Variants in PHACTR1 observed in about 807,000 individuals in gnomAD.
PHACTR1 encodes the protein RPEL repeat containing 1.
In PHACTR1, 16 loss-of-function variants were observed where a neutral mutation model predicts 69.2. The ratio of observed to expected loss-of-function variants is 0.23; its 90% CI spans 0.16 to 0.35. The LOEUF (loss-of-function observed/expected upper bound fraction) is 0.35, where lower values mean the gene tolerates loss of function less well. Ranked by LOEUF, PHACTR1 falls within the 10% of genes least tolerant of loss-of-function variation. PHACTR1 has a pLI of 1.00. For missense variants in PHACTR1, 510 were observed against 734.7 expected (o/e 0.69, Z 3.54); for synonymous variants, 312 against 284.5 (o/e 1.10, Z -0.97).
At chr6:12,956,807 G>A (rs1224078503) in intron 4 of PHACTR1, among the ~76,000 whole-genome samples, 1 of 151,982 alleles carries the variant, frequency 6.6e-6, no homozygotes, top group Non-Finnish European at 1.5e-5. Context: ...AACTGACGAC[G>A]CACTTGATCA....
chr6:13,210,820 G>T (rs1041818521), intron 8 of PHACTR1, among the ~76,000 whole-genome samples: 5 of 149,752 alleles, frequency 3.3e-5, no homozygotes, highest in African/African-American at 1.2e-4. Flanking sequence ...GGGTAAGTCT[G>T]TTTGTTTGGG....
At chr6:12,887,423 T>C (rs1190661021) in intron 4 of PHACTR1, among the ~76,000 whole-genome samples, 1 of 152,198 alleles carries the variant, frequency 6.6e-6, no homozygotes, top group Non-Finnish European at 1.5e-5. Context: ...TCCCCAAATC[T>C]TACTTGCGAA....
intron 4 of PHACTR1, among the ~76,000 whole-genome samples, chr6:12,845,429 A>ACCCCCC (rs1214194071): frequency 5.5e-5 from 1 of 18,028 alleles, no homozygotes; most frequent in Non-Finnish European, 9.9e-5. Context: ...AACACCACCC[A>ACCCCCC]CCCCCCCCCC....
intron 3 of PHACTR1, among the ~76,000 whole-genome samples, chr6:12,720,982 G>A (rs925673826): frequency 6.6e-6 from 1 of 152,216 alleles, no homozygotes. Flanking sequence ...GAGCATTAAT[G>A]AGGTAAGATT....
intron 3 of PHACTR1, among the ~76,000 whole-genome samples, chr6:12,737,846 A>C (rs1221210062): frequency 6.6e-6 from 1 of 152,108 alleles, no homozygotes; most frequent in Non-Finnish European, 1.5e-5. Context: ...TCCTCCCTCA[A>C]AATGCTGAGA....
At chr6:12,788,905 A>G (rs1237663613) in intron 4 of PHACTR1, among the ~76,000 whole-genome samples, 1 of 152,250 alleles carries the variant, frequency 6.6e-6, no homozygotes, top group Non-Finnish European at 1.5e-5. Flanking sequence ...GATGAGAGGA[A>G]TAATGTGAGT....
chr6:13,259,305 T>G (rs1775603811), intron 10 of PHACTR1, among the ~76,000 whole-genome samples: 2 of 152,220 alleles, frequency 1.3e-5, no homozygotes, highest in Admixed American at 6.5e-5. Flanking sequence ...ACCGTCTCAC[T>G]GTTTTGTTTT....
chr6:12,986,943 T>C (rs973923234), intron 4 of PHACTR1, among the ~76,000 whole-genome samples: 7 of 152,204 alleles, frequency 4.6e-5, no homozygotes, highest in Admixed American at 2.6e-4. Context: ...TAATAGGGGC[T>C]ACCTCAGAGT....
At chr6:13,211,687 G>C (rs371354623) in intron 8 of PHACTR1, among the ~76,000 whole-genome samples, 1 of 152,212 alleles carries the variant, frequency 6.6e-6, no homozygotes, top group African/African-American at 2.4e-5. Flanking sequence ...CGCAAATCCT[G>C]TCTGGTCCAC....
intron 4 of PHACTR1, among the ~76,000 whole-genome samples, chr6:12,959,895 G>T: frequency 6.6e-6 from 1 of 152,210 alleles, no homozygotes; most frequent in South Asian, 2.1e-4. Context: ...GGACTTTTAT[G>T]TTGCTTTCAG....
At position 13,186,367 on chromosome 6, in the gene PHACTR1, C is replaced by T. The variant is rs569509671; in HGVS notation, c.664+3681C>T. 9.2e-5 allele frequency among the ~76,000 whole-genome samples: 14 copies of T among 152,294 alleles called. No homozygotes were observed. The East Asian group carries it at 2.1e-3, about 23-fold the overall frequency. The stretch of plus-strand genomic sequence containing the variant: ...TTTCGTGTTAGTAACAATTCCACAA[C>T]GTGATTTTATTAGCTGCTTGGATGG... On this transcript the variant is annotated intron_variant, in intron 7 of 14. Transcript: ENST00000332995.
At chr6:12,959,784 G>A (rs2127565150) in intron 4 of PHACTR1, among the ~76,000 whole-genome samples, 1 of 152,342 alleles carries the variant, frequency 6.6e-6, no homozygotes, top group East Asian at 1.9e-4. Context: ...TTGGTTTTGA[G>A]TGCATTGCCT....
intron 4 of PHACTR1, among the ~76,000 whole-genome samples, chr6:13,026,262 C>T (rs1801678986): frequency 6.6e-6 from 1 of 152,144 alleles, no homozygotes; most frequent in African/African-American, 2.4e-5. Flanking sequence ...AATTAGCAGC[C>T]TCTGGAGAGG....
intron 4 of PHACTR1, among the ~76,000 whole-genome samples, chr6:12,956,208 C>A (rs1562051901): frequency 6.6e-6 from 1 of 152,224 alleles, no homozygotes; most frequent in Non-Finnish European, 1.5e-5. Context: ...CAAGCCTCCG[C>A]TGGCTGGGAG....
intron 4 of PHACTR1, among the ~76,000 whole-genome samples, chr6:13,004,565 T>A (rs1222559006): frequency 6.6e-6 from 1 of 152,230 alleles, no homozygotes; most frequent in East Asian, 1.9e-4. Context: ...AATTTTACTT[T>A]AAGTTATGGG....
chr6:12,996,497 A>T (rs1467469364), intron 4 of PHACTR1, among the ~76,000 whole-genome samples: 1 of 152,206 alleles, frequency 6.6e-6, no homozygotes, highest in Non-Finnish European at 1.5e-5. Context: ...ATAAACTACC[A>T]ATATTGACTG....
rs183269177 is a variant in PHACTR1, at chr6:13,281,213, A to C, written c.1510-2209A>C. On this transcript the variant is annotated intron_variant, in intron 12 of 14. Coordinates refer to ENST00000332995, the MANE Select transcript of PHACTR1 (RefSeq NM_030948.6). ...GTCAGTTTCCAGGAAGAGAAATTTG[A>C]AAGTCAGGGCTTAACAACTTTTCTC... 1.2e-4 allele frequency: 128 copies of C among 1,103,380 alleles called. No individual in the cohort carries two copies. In the African/African-American group the frequency reaches 2.1e-3, roughly 18 times the overall value. The allele number at this position is 1,103,380 out of a possible 1,614,324, so 68.3% of individuals were successfully genotyped here. A position where few individuals can be genotyped will look rare whatever the true frequency, so the allele number is the denominator to read the frequency against.
intron 10 of PHACTR1, among the ~76,000 whole-genome samples, chr6:13,240,748 G>A (rs573427829): frequency 6.6e-6 from 1 of 152,236 alleles, no homozygotes; most frequent in Non-Finnish European, 1.5e-5. Flanking sequence ...TACCCAGCCA[G>A]GATATTTGGC....
At chr6:13,006,133 A>T (rs766358037) in intron 4 of PHACTR1, among the ~76,000 whole-genome samples, 19 of 152,222 alleles carry the variant, frequency 1.2e-4, no homozygotes, top group Non-Finnish European at 1.9e-4. Flanking sequence ...TGTGTTTTAA[A>T]GATTAAAAGA....
Sources: allele counts gnomAD v4.1 joint callset (sites outside exome capture counted in the v4.1 genomes callset), GRCh38; gene constraint gnomAD v4.1.1; transcripts MANE v1.5; gene names NCBI Gene and HGNC (gene_info 2026-07-23, HGNC 2026-07-21).